Variants in CCDC69 observed in about 807,000 individuals in gnomAD.
CCDC69 encodes the protein coiled-coil domain-containing protein 69.
In CCDC69, 38 loss-of-function variants were observed where a neutral mutation model predicts 40.3. That is an observed-to-expected ratio of 0.94 (90% CI 0.73 to 1.24). The LOEUF (loss-of-function observed/expected upper bound fraction) is 1.24, where lower values mean the gene tolerates loss of function less well. CCDC69 is among the 50% of genes most tolerant of loss of function. The pLI is 0.00. For synonymous variants in CCDC69, 141 were observed against 138.9 expected (o/e 1.02, Z -0.11); for missense variants, 389 against 357.9 (o/e 1.09, Z -0.70).
chr5:151,220,747 C>T (rs1215242249), intron 1 of CCDC69, among the ~76,000 whole-genome samples: 1 of 152,130 alleles, frequency 6.6e-6, no homozygotes, highest in Non-Finnish European at 1.5e-5. Flanking sequence ...TCTGCAGTGT[C>T]ACACAAAGGG....
chr5:151,207,897 G>A (rs1001015805), intron 1 of CCDC69, among the ~76,000 whole-genome samples: 3 of 151,956 alleles, frequency 2.0e-5, no homozygotes, highest in African/African-American at 4.8e-5. Context: ...GGGCAGAAAG[G>A]AAGGAAAAAA....
chr5:151,220,196 G>A (rs1753114566), intron 1 of CCDC69, among the ~76,000 whole-genome samples: 1 of 152,156 alleles, frequency 6.6e-6, no homozygotes, highest in Non-Finnish European at 1.5e-5. Context: ...TGTCCTTAAA[G>A]CATAACATTA....
chr5:151,202,015 G>T (rs978335730), intron 2 of CCDC69, among the ~76,000 whole-genome samples: 1 of 152,080 alleles, frequency 6.6e-6, no homozygotes, highest in Non-Finnish European at 1.5e-5. Context: ...ATAAGCCAAT[G>T]GTCTCATTTT....
rs1235866149 is a variant in CCDC69, at chr5:151,199,056, C to T, written c.260G>A (p.Arg87Gln). Residue 87 changes from arginine (R) to glutamine (Q), a missense_variant, in exon 4 of 9, where the codon CGA becomes CAA. Physicochemically the swap from Arg to Gln is conservative, Grantham distance 43. Transcript: ENST00000355417. ...CCTTTGCTGCTCATCCAGTCTGTCT[C>T]GAAGCTCTAGCTCCCTTTCCTTCTC... ...QVEKERELEL[R>Q]DRLDEQQRVL... 18 of 1,614,050 alleles carry T rather than the reference C, an allele frequency of 1.1e-5. No homozygotes were observed. The highest frequency in any genetic ancestry group is 1.6e-4 in the Middle Eastern group (1 of 6,062).
chr5:151,210,817 A>G (rs1429727569), intron 1 of CCDC69: 4 of 151,598 alleles, frequency 2.6e-5, no homozygotes, highest in African/African-American at 9.7e-5. Context: ...AAAATACAAA[A>G]ATTAGCCAGG....
chr5:151,197,929 C>T (rs575772885), intron 4 of CCDC69, among the ~76,000 whole-genome samples: 1 of 152,166 alleles, frequency 6.6e-6, no homozygotes, highest in East Asian at 1.9e-4. Context: ...TGACAGGATG[C>T]TAATGCAACA....
chr5:151,222,055 C>A (rs547094282), intron 1 of CCDC69, among the ~76,000 whole-genome samples: 1 of 152,246 alleles, frequency 6.6e-6, no homozygotes, highest in East Asian at 1.9e-4. Context: ...AAAGATTTTA[C>A]GCTAAAGTCA....
At position 151,183,453 on chromosome 5, in the gene CCDC69, G is replaced by C; in HGVS notation, c.875C>G (p.Ser292Cys). 1 of 1,603,860 alleles carries C rather than the reference G, an allele frequency of 6.2e-7. No individual in the cohort carries two copies. The highest frequency in any genetic ancestry group is 2.2e-5 in the East Asian group (1 of 44,486). The change falls in exon 9 of 9, where the codon TCT (serine) becomes TGT (cysteine). Residue 292 changes from serine (S) to cysteine (C), a missense_variant. Ser to Cys is a moderately radical substitution (Grantham distance 112). Transcript: ENST00000355417. ...PLAPVTPTEVSFLAT is the reference protein window; with the variant it reads ...PLAPVTPTEVCFLAT ...CCCTGCACCCTATGTGGCGAGGAAA[G>C]AGACCTCAGTGGGAGTGACAGGGGC...
At chr5:151,194,665 C>T (rs767250506) in intron 4 of CCDC69, among the ~76,000 whole-genome samples, 30 of 152,054 alleles carry the variant, frequency 2.0e-4, no homozygotes, top group African/African-American at 7.2e-4. Context: ...GAGGCCAAGG[C>T]GGGTGGATCA....
chr5:151,204,716 A>G (rs1752828798), intron 2 of CCDC69, among the ~76,000 whole-genome samples: 1 of 152,164 alleles, frequency 6.6e-6, no homozygotes, highest in African/African-American at 2.4e-5. Flanking sequence ...TGGACATTTC[A>G]AAGAAAAGAA....
chr5:151,195,731 A>AC (rs1752690370), intron 4 of CCDC69, among the ~76,000 whole-genome samples: 1 of 150,292 alleles, frequency 6.7e-6, no homozygotes, highest in African/African-American at 2.4e-5. Flanking sequence ...AAAAAAAAAA[A>AC]AAAAAAAACA....
chr5:151,194,673 T>A (rs1360486236), intron 4 of CCDC69, among the ~76,000 whole-genome samples: 1 of 152,090 alleles, frequency 6.6e-6, no homozygotes, highest in Non-Finnish European at 1.5e-5. Flanking sequence ...GGCGGGTGGA[T>A]CACGAGGTCA....
At chr5:151,212,627 A>G (rs2114001337) in intron 1 of CCDC69, 1 of 371,570 alleles carries the variant, frequency 2.7e-6, no homozygotes, top group East Asian at 7.3e-5. Context: ...ACACACTGGA[A>G]GACGTCCCAA....
chr5:151,203,694 T>C (rs1227905608), intron 2 of CCDC69, among the ~76,000 whole-genome samples: 1 of 135,114 alleles, frequency 7.4e-6, no homozygotes, highest in African/African-American at 2.9e-5. Flanking sequence ...ATAAAATATA[T>C]ATAGTATATA....
chr5:151,193,789 T>C (rs1752657552), intron 4 of CCDC69, among the ~76,000 whole-genome samples: 2 of 152,126 alleles, frequency 1.3e-5, no homozygotes, highest in African/African-American at 4.8e-5. Flanking sequence ...AAAGACATTA[T>C]TAACAGAATG....
At chr5:151,187,931 C>T (rs1284478387) in intron 4 of CCDC69, among the ~76,000 whole-genome samples, 1 of 152,168 alleles carries the variant, frequency 6.6e-6, no homozygotes, top group Non-Finnish European at 1.5e-5. Context: ...CTGGCTCTGC[C>T]TTTCCGAAAC....
intron 1 of CCDC69, among the ~76,000 whole-genome samples, chr5:151,216,697 T>G (rs1160862212): frequency 2.0e-5 from 3 of 152,184 alleles, no homozygotes; most frequent in Admixed American, 6.5e-5. Context: ...ATTACAGGCG[T>G]GAGCCACCAC....
At position 151,187,396 on chromosome 5, in the gene CCDC69, G is replaced by A. The variant is rs771177955; in HGVS notation, c.383C>T (p.Ser128Phe). ...ALTHSFREAS[S>F]TQQETIDRLT... ...CCCAGCCCCTCTCACCTGCTGGGTAGAACTGGCCTCCCGGAAAGAGTGGGT... is the reference window on the plus strand; with the variant it reads ...CCCAGCCCCTCTCACCTGCTGGGTAAAACTGGCCTCCCGGAAAGAGTGGGT... The change falls in exon 5 of 9, where the codon TCT becomes TTT. Residue 128 changes from serine (S) to phenylalanine (F), a missense_variant. Transcript: ENST00000355417. 6.2e-7 allele frequency: 1 copy of A among 1,614,050 alleles called. No homozygotes were observed. The highest frequency in any genetic ancestry group is 2.2e-5 in the East Asian group (1 of 44,882).
Position 151,198,316 on chromosome 5 carries a change from ATC to A in CCDC69, c.319+679_319+680del, listed in dbSNP as rs747628077. Among the ~76,000 whole-genome samples the A allele has an allele frequency of 5.3e-3, 781 of 147,364 alleles. 3 individuals are homozygous for A. Among genetic ancestry groups the A allele is most frequent in the South Asian group, 6.6e-3 (31 of 4,722 alleles). On this transcript the variant is annotated intron_variant, in intron 4 of 8. Transcript: ENST00000355417. The stretch of plus-strand genomic sequence containing the variant: ...GATCTATCTATCTATCTATCTATCT[ATC>A]TATCTATCTATCTATCTATCTATCT...
Sources: gnomAD v4.1 joint callset for allele counts (sites outside exome capture counted in the v4.1 genomes callset) on GRCh38, gnomAD v4.1.1 for gene constraint, MANE v1.5 for transcripts, NCBI Gene and HGNC (gene_info 2026-07-23, HGNC 2026-07-21) for gene names.